GRM8: variants seen among roughly 807,000 people sequenced by gnomAD.
The protein encoded by GRM8 is glutamate metabotropic receptor 8.
In GRM8, 47 loss-of-function variants were observed where a neutral mutation model predicts 87.2. The ratio of observed to expected loss-of-function variants is 0.54; its 90% CI spans 0.43 to 0.69. The LOEUF (loss-of-function observed/expected upper bound fraction) is 0.69. Among genes scored for constraint, GRM8 ranks in the 30% least tolerant of loss-of-function variants. The pLI is 0.00. For missense variants in GRM8, 1,019 were observed against 1,139.2 expected (o/e 0.89, Z 1.52); for synonymous variants, 396 against 404.5 (o/e 0.98, Z 0.25).
At chr7:126,890,305 T>G (rs1167675983) in intron 6 of GRM8, among the ~76,000 whole-genome samples, 1 of 152,120 alleles carries the variant, frequency 6.6e-6, no homozygotes, top group Non-Finnish European at 1.5e-5. Flanking sequence ...ATAATCTTTA[T>G]GCATATTATT....
At chr7:127,125,669 G>T (rs1044596416) in intron 2 of GRM8, among the ~76,000 whole-genome samples, 2 of 151,658 alleles carry the variant, frequency 1.3e-5, no homozygotes, top group African/African-American at 4.8e-5. Context: ...AAATAACAGA[G>T]TGAACAGATA....
At chr7:127,064,392 T>A (rs1166671323) in intron 3 of GRM8, among the ~76,000 whole-genome samples, 2 of 152,216 alleles carry the variant, frequency 1.3e-5, no homozygotes, top group East Asian at 3.8e-4. Flanking sequence ...TGCCTTTTTT[T>A]ATTCTTCGTT....
At chr7:126,785,699 G>A (rs1057075786) in intron 6 of GRM8, among the ~76,000 whole-genome samples, 2 of 151,904 alleles carry the variant, frequency 1.3e-5, no homozygotes, top group Non-Finnish European at 2.9e-5. Context: ...AGCTCTACCT[G>A]TCACCTGGAA....
At chr7:127,103,483 C>A (rs937981484) in intron 3 of GRM8, among the ~76,000 whole-genome samples, 3 of 152,178 alleles carry the variant, frequency 2.0e-5, no homozygotes, top group African/African-American at 7.2e-5. Flanking sequence ...GTAGTGGATG[C>A]CACTTTGCTT....
chr7:127,050,449 C>T (rs1205846758), intron 3 of GRM8, among the ~76,000 whole-genome samples: 1 of 152,162 alleles, frequency 6.6e-6, no homozygotes, highest in Non-Finnish European at 1.5e-5. Context: ...CACCAATTCT[C>T]CCTACCAACC....
intron 3 of GRM8, among the ~76,000 whole-genome samples, chr7:126,996,298 C>T (rs1233172453): frequency 6.6e-6 from 1 of 152,012 alleles, no homozygotes; most frequent in Non-Finnish European, 1.5e-5. Context: ...CCGAAAAACA[C>T]AGAATACTAT....
At chr7:126,514,185 T>G (rs540310765) in intron 9 of GRM8, among the ~76,000 whole-genome samples, 1 of 152,166 alleles carries the variant, frequency 6.6e-6, no homozygotes, top group African/African-American at 2.4e-5. Flanking sequence ...CCGCAGATGC[T>G]GGAGTTGTGG....
chr7:127,065,269 T>C (rs1468989143), intron 3 of GRM8, among the ~76,000 whole-genome samples: 2 of 152,124 alleles, frequency 1.3e-5, no homozygotes, highest in Non-Finnish European at 2.9e-5. Context: ...GATGAAGGAA[T>C]GGAAAACCAA....
At chr7:126,959,102 G>A (rs900439977) in intron 3 of GRM8, among the ~76,000 whole-genome samples, 2 of 152,162 alleles carry the variant, frequency 1.3e-5, no homozygotes, top group Non-Finnish European at 2.9e-5. Context: ...GAGTAACCCT[G>A]GGAAAAAGAC....
At chr7:127,006,426 C>T (rs7778604) in intron 3 of GRM8, among the ~76,000 whole-genome samples, 17,769 of 151,926 alleles carry the variant, frequency 0.12, 1,245 homozygotes, top group African/African-American at 0.18. Context: ...CTTCAGCTTC[C>T]GTCCATTTAT....
rs1438174763 is a variant in GRM8, at chr7:127,169,598, G to A, written c.511-62886C>T. ...TAGCTGAAACAGCCTTCTATTGGAA[G>A]AAGATTCCATCCAGGATTAACTAGA... On this transcript the variant is annotated intron_variant, in intron 2 of 10. Coordinates refer to ENST00000339582, the MANE Select transcript of GRM8 (RefSeq NM_000845.3). 2.0e-5 allele frequency among the ~76,000 whole-genome samples: 3 copies of A among 151,818 alleles called. No individual in the cohort carries two copies. The East Asian group carries it at 5.8e-4, about 29-fold the overall frequency.
At position 127,180,621 on chromosome 7, in the gene GRM8, C is replaced by A. The variant is rs901935210; in HGVS notation, c.510+62074G>T. Among the ~76,000 whole-genome samples the A allele has an allele frequency of 9.9e-5, 15 of 152,214 alleles. 1 individual carries two copies. The highest frequency in any genetic ancestry group is 5.9e-4 in the Admixed American group (9 of 15,284). ...TTAACAAAATACTAGCTAACCGAAT[C>A]CAACAACATACCAAAAAGATAACCC... On this transcript the variant is annotated intron_variant, in intron 2 of 10. Coordinates refer to ENST00000339582, the MANE Select transcript of GRM8 (RefSeq NM_000845.3).
At chr7:126,615,769 A>G (rs1799424050) in intron 7 of GRM8, among the ~76,000 whole-genome samples, 1 of 152,228 alleles carries the variant, frequency 6.6e-6, no homozygotes, top group Non-Finnish European at 1.5e-5. Context: ...AGATCAAAAG[A>G]GACAAAGAAG....
chr7:127,232,007 G>C (rs750884065), intron 2 of GRM8, among the ~76,000 whole-genome samples: 2 of 151,824 alleles, frequency 1.3e-5, no homozygotes, highest in African/African-American at 2.4e-5. Flanking sequence ...GAATAAAACT[G>C]ACTCTTACCA....
intron 7 of GRM8, among the ~76,000 whole-genome samples, chr7:126,733,318 C>T (rs547286797): frequency 1.3e-5 from 2 of 151,196 alleles, no homozygotes; most frequent in South Asian, 4.2e-4. Context: ...CTTGCTTTTA[C>T]TTTGTGAAAG....
At chr7:126,739,191 C>T (rs1814626231) in intron 7 of GRM8, among the ~76,000 whole-genome samples, 1 of 151,860 alleles carries the variant, frequency 6.6e-6, no homozygotes, top group African/African-American at 2.4e-5. Flanking sequence ...TATTATTATC[C>T]AATTCTTTCA....
At chr7:126,534,627 G>T (rs1462203680) in intron 8 of GRM8, among the ~76,000 whole-genome samples, 2 of 152,086 alleles carry the variant, frequency 1.3e-5, no homozygotes, top group African/African-American at 4.8e-5. Context: ...TCGCTTCAGG[G>T]CCTTAAAATC....
intron 3 of GRM8, chr7:127,090,993 T>C (rs1460664679): frequency 6.6e-6 from 1 of 152,256 alleles, no homozygotes; most frequent in Non-Finnish European, 1.5e-5. Flanking sequence ...ATGAAAGATG[T>C]CTGTGGTATG....
intron 3 of GRM8, among the ~76,000 whole-genome samples, chr7:127,029,394 T>C (rs909099122): frequency 2.0e-5 from 3 of 152,118 alleles, no homozygotes; most frequent in Admixed American, 1.3e-4. Flanking sequence ...TCCTTGTTAA[T>C]TTTCTGTCTC....
Sources: gnomAD v4.1 joint callset for allele counts (sites outside exome capture counted in the v4.1 genomes callset) on GRCh38, gnomAD v4.1.1 for gene constraint, MANE v1.5 for transcripts, NCBI Gene and HGNC (gene_info 2026-07-23, HGNC 2026-07-21) for gene names.